Variants in FBLN2 observed in about 807,000 individuals in gnomAD.
FBLN2 encodes the protein fibulin 2.
In FBLN2, 81 loss-of-function variants were observed where a neutral mutation model predicts 123.7. The ratio of observed to expected loss-of-function variants is 0.65; its 90% CI spans 0.55 to 0.79. FBLN2 has a LOEUF of 0.79. Among genes scored for constraint, FBLN2 ranks in the 30% least tolerant of loss-of-function variants. FBLN2 has a pLI of 0.00. For synonymous variants in FBLN2, 699 were observed against 701.4 expected (o/e 1.00, Z 0.05); for missense variants, 1,603 against 1,681.3 (o/e 0.95, Z 0.81).
At chr3:13,567,059 A>G (rs1439222993) in intron 1 of FBLN2, among the ~76,000 whole-genome samples, 2 of 152,118 alleles carry the variant, frequency 1.3e-5, no homozygotes, top group African/African-American at 4.8e-5. Flanking sequence ...GAGTGGGGAG[A>G]TGGGCAAGCC....
chr3:13,621,638 C>G lies in FBLN2; in HGVS notation c.2156-137C>G, dbSNP rs1705853519. On this transcript the variant is annotated intron_variant, in intron 8 of 17. Transcript: ENST00000404922. ...ACTCACACTTGGGCCCAAGGCCCAGCTACACACAGTCAGGCGGGGAGGCCC... is the reference window on the plus strand; with the variant it reads ...ACTCACACTTGGGCCCAAGGCCCAGGTACACACAGTCAGGCGGGGAGGCCC... 4 of 860,384 alleles carry G rather than the reference C, an allele frequency of 4.6e-6. No individual in the cohort carries two copies. In the East Asian group the frequency reaches 1.1e-4, roughly 23 times the overall value. 53.3% of individuals were successfully genotyped at this position (860,384 alleles called of 1,614,324 possible).
Position 13,608,081 on chromosome 3 carries a change from C to T in FBLN2, c.1326C>T (p.Ile442=), listed in dbSNP as rs746832821. 5.0e-6 allele frequency: 8 copies of T among 1,586,854 alleles called. No individual in the cohort carries two copies. The highest frequency in any genetic ancestry group is 1.6e-4 in the Middle Eastern group (1 of 6,064). Residue 442 remains isoleucine (I), a synonymous_variant, in exon 3 of 18, where the codon ATC becomes ATT. Coordinates refer to ENST00000404922, the MANE Select transcript of FBLN2 (RefSeq NM_001004019.2). ...SSPEGSTKDL[I]ETCCAAGQQW... is the part of the protein sequence containing the mutation. Reference sequence around the variant, plus strand: ...CCACAGGCTCCACCAAGGACCTGATCGAGACTTGCTGCGCAGCCGGACAGC... The same window carrying T: ...CCACAGGCTCCACCAAGGACCTGATTGAGACTTGCTGCGCAGCCGGACAGC...
At chr3:13,568,356 T>C (rs1410042592) in intron 1 of FBLN2, among the ~76,000 whole-genome samples, 1 of 152,230 alleles carries the variant, frequency 6.6e-6, no homozygotes, top group Non-Finnish European at 1.5e-5. Flanking sequence ...ACCTTCAAAA[T>C]AGATCCCCTG....
rs138833534 is a variant in FBLN2, at chr3:13,637,649, G to A, written c.3426G>A (p.Thr1142=). The part of the protein sequence containing the change: ...RITHYQLNFQ[T]GLLVPAHIFR... ...CGCACTACCAGCTCAACTTCCAGACGGGCCTCCTGGTGCCTGCGCATATCT... is the reference window on the plus strand; with the variant it reads ...CGCACTACCAGCTCAACTTCCAGACAGGCCTCCTGGTGCCTGCGCATATCT... The change falls in exon 18 of 18, where the codon ACG becomes ACA. Residue 1142 remains threonine, a synonymous_variant. Transcript: ENST00000404922. 1.9e-4 allele frequency: 310 copies of A among 1,613,968 alleles called. 1 individual carries two copies. The African/African-American group carries it at 2.9e-3, about 15-fold the overall frequency.
chr3:13,619,899 G>A, intron 8 of FBLN2, 68 bp downstream of exon 8: 4 of 1,289,200 alleles, frequency 3.1e-6, no homozygotes, highest in Middle Eastern at 1.9e-4. Context: ...GCCTCCAGGT[G>A]GGGGTGGCTG....
intron 15 of FBLN2, 104 bp from the exon 16 acceptor site, chr3:13,631,225 A>G: frequency 7.2e-7 from 1 of 1,382,638 alleles, no homozygotes; most frequent in Non-Finnish European, 9.7e-7. Context: ...CATTTAAAAA[A>G]TGGGCCCCTA....
intron 1 of FBLN2, among the ~76,000 whole-genome samples, chr3:13,563,459 C>T (rs956180680): frequency 5.3e-5 from 8 of 152,198 alleles, no homozygotes; most frequent in East Asian, 1.9e-4. Flanking sequence ...GGGATGCACC[C>T]GGGGTGCCCC....
chr3:13,553,128 A>G (rs1574938067), intron 1 of FBLN2, among the ~76,000 whole-genome samples: 1 of 152,154 alleles, frequency 6.6e-6, no homozygotes, highest in East Asian at 1.9e-4. Context: ...GGCTTCTTTC[A>G]GAGTGGGGGC....
chr3:13,549,969 G>A (rs1703278291), intron 1 of FBLN2, among the ~76,000 whole-genome samples: 1 of 152,146 alleles, frequency 6.6e-6, no homozygotes, highest in South Asian at 2.1e-4. Flanking sequence ...CCTCTGACAC[G>A]CACACACGTC....
chr3:13,554,313 G>A (rs1268769301), intron 1 of FBLN2, among the ~76,000 whole-genome samples: 1 of 152,150 alleles, frequency 6.6e-6, no homozygotes, highest in Non-Finnish European at 1.5e-5. Flanking sequence ...GCTTGTGATC[G>A]GGGTACCCCA....
chr3:13,608,108 G>T lies in FBLN2; in HGVS notation c.1353G>T (p.Gln451His), dbSNP rs1444330719. ...AGACTTGCTGCGCAGCCGGACAGCA[G>T]TGGGCCATTGACAATGACGAGTGCC... ...LIETCCAAGQ[Q>H]WAIDNDECLE... Residue 451 changes from glutamine (Q) to histidine (H), a missense_variant, in exon 3 of 18, where the codon CAG (glutamine) becomes CAT (histidine). Physicochemically the swap from Gln to His is conservative, Grantham distance 24. Transcript: ENST00000404922. The T allele has an allele frequency of 1.3e-6, 2 of 1,598,148 alleles. No individual in the cohort carries two copies. The highest frequency in any genetic ancestry group is 1.3e-5 in the African/African-American group (1 of 74,756).
At position 13,638,044 on chromosome 3, in the gene FBLN2, T is replaced by C. The variant is rs1032377363; in HGVS notation, c.*125T>C. The C allele has an allele frequency of 4.3e-6, 4 of 921,034 alleles. No homozygotes were observed. The highest frequency in any genetic ancestry group is 1.7e-5 in the African/African-American group (1 of 59,556). 57.1% of individuals were successfully genotyped at this position (921,034 alleles called of 1,614,324 possible). On this transcript the variant is annotated 3_prime_UTR_variant, in exon 18 of 18. Coordinates refer to ENST00000404922, the MANE Select transcript of FBLN2 (RefSeq NM_001004019.2). The stretch of plus-strand genomic sequence containing the variant: ...ATTAACTTAATTTTGCTGACTTGAC[T>C]CCTGTGGCTTCTGGACCCCTCCTCT...
At chr3:13,611,260 A>C (rs1705383343) in intron 4 of FBLN2, among the ~76,000 whole-genome samples, 1 of 152,156 alleles carries the variant, frequency 6.6e-6, no homozygotes, top group Non-Finnish European at 1.5e-5. Flanking sequence ...ATTAGTTTTG[A>C]TCATGGTGAA....
At chr3:13,626,322 T>G (rs1488932794) in intron 9 of FBLN2, 123 bp from the exon 10 acceptor site, 1 of 999,730 alleles carries the variant, frequency 1.0e-6, no homozygotes, top group Non-Finnish European at 1.4e-6. Context: ...CATCTCCGAA[T>G]GGTGAGCTCC....
intron 3 of FBLN2, among the ~76,000 whole-genome samples, chr3:13,608,742 C>G (rs1445466508): frequency 6.6e-6 from 1 of 152,150 alleles, no homozygotes; most frequent in Admixed American, 6.5e-5. Context: ...TCCAGGGACC[C>G]CGTCTAACCT....
In FBLN2 at chr3:13,609,587, A is replaced by G; in HGVS notation, c.1493A>G (p.Glu498Gly). Residue 498 changes from glutamate (E) to glycine (G), a missense_variant, in exon 4 of 18, where the codon GAG becomes GGG. By Grantham distance (98) the Glu-to-Gly change is moderately conservative. Coordinates refer to ENST00000404922, the MANE Select transcript of FBLN2 (RefSeq NM_001004019.2). ...SCMAGVLGAK[E>G]GETCGAEDND... Reference sequence around the variant, plus strand: ...ATGGCCGGCGTCCTGGGAGCCAAGGAGGGTGAGACCTGTGGGGCTGAGGAC... The same window carrying G: ...ATGGCCGGCGTCCTGGGAGCCAAGGGGGGTGAGACCTGTGGGGCTGAGGAC... 1 of 1,496,582 alleles carries G rather than the reference A, an allele frequency of 6.7e-7. No individual in the cohort carries two copies. The highest frequency in any genetic ancestry group is 1.2e-5 in the South Asian group (1 of 83,802). 92.7% of individuals were successfully genotyped at this position (1,496,582 alleles called of 1,614,324 possible).
intron 1 of FBLN2, among the ~76,000 whole-genome samples, chr3:13,564,324 T>C (rs2350308): frequency 0.85 from 129,097 of 152,100 alleles, 54,933 homozygotes; most frequent in East Asian, 1. Context: ...CTGCCATCCC[T>C]AGCAGTCCCA....
In FBLN2 at chr3:13,582,753, C is replaced by T. The variant is rs181400217; in HGVS notation, c.1306+11092C>T. ...CTGAGAGGAGCAGGCGGGCTAACGGCAGCCAGCACAGAGTGCTGCTCCGGG... is the reference window on the plus strand; with the variant it reads ...CTGAGAGGAGCAGGCGGGCTAACGGTAGCCAGCACAGAGTGCTGCTCCGGG... On this transcript the variant is annotated intron_variant, in intron 2 of 17. Coordinates refer to ENST00000404922, the MANE Select transcript of FBLN2 (RefSeq NM_001004019.2). Among the ~76,000 whole-genome samples, 169 of 152,364 alleles carry T rather than the reference C, an allele frequency of 1.1e-3. 1 individual carries two copies. The highest frequency in any genetic ancestry group is 4.9e-3 in the Admixed American group (75 of 15,312).
chr3:13,556,612 G>A (rs1703470870), intron 1 of FBLN2, among the ~76,000 whole-genome samples: 2 of 152,226 alleles, frequency 1.3e-5, no homozygotes, highest in Admixed American at 1.3e-4. Context: ...GCCAGTCCCT[G>A]TGTGACCCCA....
Sources: gnomAD v4.1 joint callset for allele counts (sites outside exome capture counted in the v4.1 genomes callset) on GRCh38, gnomAD v4.1.1 for gene constraint, MANE v1.5 for transcripts, NCBI Gene and HGNC (gene_info 2026-07-23, HGNC 2026-07-21) for gene names.